ZC3H15: variants seen among roughly 807,000 people sequenced by gnomAD.
ZC3H15 encodes the protein zinc finger CCCH domain-containing protein 15.
In ZC3H15, 15 loss-of-function variants were observed where a neutral mutation model predicts 51.2. The observed-to-expected ratio is 0.29, with a 90% CI of 0.20 to 0.45. The LOEUF (loss-of-function observed/expected upper bound fraction) is 0.45, where lower values mean the gene tolerates loss of function less well. ZC3H15 is among the 20% of genes least tolerant of loss of function. The pLI is 1.00. For missense variants in ZC3H15, 381 were observed against 494.7 expected (o/e 0.77, Z 2.18); for synonymous variants, 144 against 162.8 (o/e 0.88, Z 0.88).
chr2:186,496,673 T>TA (rs1395475316), intron 2 of ZC3H15, among the ~76,000 whole-genome samples: 1 of 152,226 alleles, frequency 6.6e-6, no homozygotes, highest in African/African-American at 2.4e-5. Flanking sequence ...AGAGTGTACT[T>TA]ACACAAACCT....
chr2:186,500,328 C>A, intron 3 of ZC3H15, 35 bp downstream of exon 3: 3 of 1,506,470 alleles, frequency 2.0e-6, no homozygotes, highest in South Asian at 1.2e-5. Context: ...GATTTTTTAT[C>A]AAATGTAGTT....
At chr2:186,492,703 C>A (rs1028347878) in intron 1 of ZC3H15, among the ~76,000 whole-genome samples, 2 of 152,146 alleles carry the variant, frequency 1.3e-5, no homozygotes, top group African/African-American at 4.8e-5. Flanking sequence ...TTTTTAAATA[C>A]TAATTGTTTC....
At chr2:186,494,105 G>T (rs1424318458) in intron 1 of ZC3H15, among the ~76,000 whole-genome samples, 1 of 150,782 alleles carries the variant, frequency 6.6e-6, no homozygotes, top group African/African-American at 2.4e-5. Context: ...ACCCCATACT[G>T]CATACTTACT....
At chr2:186,500,488 C>T in intron 3 of ZC3H15, 195 bp downstream of exon 3, 1 of 658,162 alleles carries the variant, frequency 1.5e-6, no homozygotes, top group Non-Finnish European at 2.8e-6. Flanking sequence ...CATTGTACAG[C>T]TGAACTGCAG....
chr2:186,500,789 C>G (rs549549483), intron 3 of ZC3H15: 1 of 435,628 alleles, frequency 2.3e-6, no homozygotes, highest in African/African-American at 2.0e-5. Flanking sequence ...ATTGTCCTGC[C>G]TCAGCCTCCC....
At position 186,505,606 on chromosome 2, in the gene ZC3H15, C is replaced by G; in HGVS notation, c.864+9C>G. On this transcript the variant is annotated intron_variant, in intron 7 of 9. Transcript: ENST00000337859. ...CAGGGAAAGCACTAGTGGTATGTCT[C>G]AGGCTCACCCAAACTGATTCTTTAT... The G allele has an allele frequency of 6.2e-7, 1 of 1,601,768 alleles. No homozygotes were observed. The highest frequency in any genetic ancestry group is 1.3e-5 in the African/African-American group (1 of 74,462).
At position 186,495,300 on chromosome 2, in the gene ZC3H15, A is replaced by T; in HGVS notation, c.143A>T (p.His48Leu). 1 of 1,550,532 alleles carries T rather than the reference A, an allele frequency of 6.4e-7. No individual in the cohort carries two copies. The change falls in exon 2 of 10, where the codon CAT (histidine) becomes CTT (leucine). Residue 48 changes from histidine to leucine, a missense_variant. This residue lies in a region of ZC3H15 where 125 missense variants were observed against 166.3 expected (regional missense o/e 0.75). Coordinates refer to ENST00000337859, the MANE Select transcript of ZC3H15 (RefSeq NM_018471.3). ...KQQKFIKAVT[H>L]QVKFGQQNPR... ...CAGAAGTTTATCAAGGCTGTCACAC[A>T]TCAAGTTAAATTTGGTCAACAAAAT...
intron 1 of ZC3H15, among the ~76,000 whole-genome samples, chr2:186,494,712 TC>T (rs1291949162): frequency 6.6e-6 from 1 of 152,072 alleles, no homozygotes; most frequent in African/African-American, 2.4e-5. Flanking sequence ...TAGCAAACTA[TC>T]GCAAGGACAA....
intron 9 of ZC3H15, 21 bp downstream of exon 9, chr2:186,506,857 C>A: frequency 6.2e-7 from 1 of 1,602,390 alleles, no homozygotes; most frequent in South Asian, 1.1e-5. Context: ...TAACTTTTGC[C>A]TAATTTTAAG....
Position 186,502,499 on chromosome 2 carries a change from C to T in ZC3H15, c.446C>T (p.Thr149Ile), listed in dbSNP as rs1050754119. 1.2e-6 allele frequency: 2 copies of T among 1,609,830 alleles called. No individual in the cohort carries two copies. Among genetic ancestry groups the T allele is most frequent in the African/African-American group, 2.7e-5 (2 of 74,794 alleles). Residue 149 changes from threonine (T) to isoleucine (I), a missense_variant, in exon 5 of 10, where the codon ACT becomes ATT. Around this residue, in one of 3 missense-constraint regions of ZC3H15, gnomAD observed 41 missense variants for 86.5 expected, o/e 0.47. Coordinates refer to ENST00000337859, the MANE Select transcript of ZC3H15 (RefSeq NM_018471.3). ...DARDEELEKD[T>I]MDNWDEKKLE... ...TAATCTTCATTTCTTTATTTAGATA[C>T]TATGGATAATTGGGATGAGAAAAAG... is the stretch of plus-strand genomic sequence containing the variant.
intron 3 of ZC3H15, 73 bp from the exon 4 acceptor site, chr2:186,501,200 C>G (rs1685377063): frequency 2.1e-6 from 3 of 1,429,674 alleles, no homozygotes; most frequent in African/African-American, 2.8e-5. Flanking sequence ...CAAAATTCAT[C>G]ATATTTCAGG....
chr2:186,506,190 T>TATGGGACATAAAATAAC (rs2105594498), intron 8 of ZC3H15: 1 of 353,190 alleles, frequency 2.8e-6, no homozygotes, highest in Non-Finnish European at 5.5e-6. Context: ...ATTTTATGCT[T>TATGGGACATAAAATAAC]AAAAGTTATG....
At chr2:186,502,402 T>C (rs1401379682) in intron 4 of ZC3H15, 94 bp from the exon 5 acceptor site, 44 of 1,023,204 alleles carry the variant, frequency 4.3e-5, no homozygotes, top group Non-Finnish European at 6.0e-5. Context: ...TGTTAAGCCA[T>C]GAGTCTTATA....
At chr2:186,494,036 A>G (rs776004296) in intron 1 of ZC3H15, among the ~76,000 whole-genome samples, 93 of 151,146 alleles carry the variant, frequency 6.2e-4, no homozygotes, top group Non-Finnish European at 1.0e-3. Context: ...TACTTGTGCA[A>G]TGGCTTCTAT....
intron 1 of ZC3H15, among the ~76,000 whole-genome samples, chr2:186,492,264 A>G (rs1182818545): frequency 6.6e-6 from 1 of 152,186 alleles, no homozygotes; most frequent in Non-Finnish European, 1.5e-5. Flanking sequence ...AAGGAAAAGT[A>G]TGGCATTTTA....
At chr2:186,492,163 T>C (rs963088677) in intron 1 of ZC3H15, among the ~76,000 whole-genome samples, 3 of 152,210 alleles carry the variant, frequency 2.0e-5, no homozygotes, top group African/African-American at 7.2e-5. Flanking sequence ...CAGTTTATTT[T>C]CTCTGGCAGA....
chr2:186,486,685 C>CGT (rs1397546990), intron 1 of ZC3H15, among the ~76,000 whole-genome samples: 2 of 152,218 alleles, frequency 1.3e-5, no homozygotes, highest in Non-Finnish European at 2.9e-5. Context: ...CCCACACGCC[C>CGT]GTGTTCACCC....
intron 1 of ZC3H15, among the ~76,000 whole-genome samples, chr2:186,494,226 C>T (rs1312694672): frequency 2.6e-5 from 4 of 151,976 alleles, no homozygotes; most frequent in Non-Finnish European, 5.9e-5. Context: ...TATTAATATT[C>T]CAGATTTAAA....
chr2:186,495,993 G>C (rs1685275630), intron 2 of ZC3H15, among the ~76,000 whole-genome samples: 1 of 151,990 alleles, frequency 6.6e-6, no homozygotes, highest in African/African-American at 2.4e-5. Context: ...TCTTTTTCTT[G>C]TCAATTTATG....
Sources: allele counts gnomAD v4.1 joint callset (sites outside exome capture counted in the v4.1 genomes callset), GRCh38; gene constraint gnomAD v4.1.1; regional missense constraint gnomAD v4.1.1; transcripts MANE v1.5; gene names NCBI Gene and HGNC (gene_info 2026-07-23, HGNC 2026-07-21).